GRIK1: variants seen among roughly 807,000 people sequenced by gnomAD.
GRIK1 encodes glutamate receptor ionotropic, kainate 1.
Under a neutral mutation model 105.7 loss-of-function variants are expected in GRIK1, and 69 were observed. The observed-to-expected ratio is 0.65, with a 90% CI of 0.54 to 0.80. The LOEUF (loss-of-function observed/expected upper bound fraction) is 0.80, where lower values mean the gene tolerates loss of function less well. Among genes scored for constraint, GRIK1 ranks in the 30% least tolerant of loss-of-function variants. The pLI, the probability that GRIK1 is intolerant of heterozygous loss-of-function variation, is 0.00. For synonymous variants in GRIK1, 438 were observed against 431.3 expected (o/e 1.02, Z -0.19); for missense variants, 1,109 against 1,167.3 (o/e 0.95, Z 0.73).
At chr21:29,680,440 T>C (rs2063349435) in intron 3 of GRIK1, among the ~76,000 whole-genome samples, 1 of 152,210 alleles carries the variant, frequency 6.6e-6, no homozygotes, top group African/African-American at 2.4e-5. Flanking sequence ...TCCCTGGGTT[T>C]CTATAGGAGC....
intron 7 of GRIK1, among the ~76,000 whole-genome samples, chr21:29,632,066 C>T (rs960244231): frequency 7.2e-5 from 11 of 152,032 alleles, no homozygotes; most frequent in African/African-American, 2.4e-4. Context: ...ATAAGTTGTT[C>T]CCTCTACTTG....
intron 1 of GRIK1, among the ~76,000 whole-genome samples, chr21:29,893,022 A>G (rs528993921): frequency 1.3e-5 from 2 of 152,308 alleles, no homozygotes; most frequent in South Asian, 4.1e-4. Flanking sequence ...TGAAGATACA[A>G]TTAGCTGGGC....
At chr21:29,834,766 TATTA>T (rs1159017050) in intron 1 of GRIK1, among the ~76,000 whole-genome samples, 2 of 150,826 alleles carry the variant, frequency 1.3e-5, no homozygotes, top group African/African-American at 4.9e-5. Flanking sequence ...ATATTATTAA[TATTA>T]ATTAATATTC....
At chr21:29,663,624 T>A (rs2063007830) in intron 4 of GRIK1, among the ~76,000 whole-genome samples, 1 of 152,176 alleles carries the variant, frequency 6.6e-6, no homozygotes, top group South Asian at 2.1e-4. Flanking sequence ...GGATAGTTTC[T>A]AAAATTTGTA....
In GRIK1 at chr21:29,561,732, G is replaced by A; in HGVS notation, c.2248C>T (p.Leu750=). The A allele has an allele frequency of 6.2e-7, 1 of 1,613,482 alleles. No individual in the cohort carries two copies. Among genetic ancestry groups the A allele is most frequent in the South Asian group, 1.1e-5 (1 of 91,068 alleles). The change falls in exon 15 of 18, where the codon CTG becomes TTG. Residue 750 remains leucine, a synonymous_variant. Coordinates refer to ENST00000327783, the MANE Select transcript of GRIK1 (RefSeq NM_001330994.2). ...IQRVLTTDYA[L]LMESTSIEYV... The stretch of plus-strand genomic sequence containing the variant: ...TCAATGCTGGTGGACTCCATCAGCA[G>A]CGCGTAGTCTGTGGTGAGCACTCTC...
At chr21:29,611,133 A>G (rs1601259963) in intron 7 of GRIK1, among the ~76,000 whole-genome samples, 1 of 152,214 alleles carries the variant, frequency 6.6e-6, no homozygotes, top group Non-Finnish European at 1.5e-5. Flanking sequence ...ACATGGGATC[A>G]TTGCCTAACA....
intron 16 of GRIK1, among the ~76,000 whole-genome samples, chr21:29,544,580 T>C (rs1158935605): frequency 2.6e-5 from 4 of 152,172 alleles, no homozygotes; most frequent in Admixed American, 1.3e-4. Context: ...AGGGATGATA[T>C]AGAAAGAAAA....
chr21:29,824,142 G>A (rs1253335609), intron 1 of GRIK1, among the ~76,000 whole-genome samples: 1 of 151,794 alleles, frequency 6.6e-6, no homozygotes, highest in Admixed American at 6.6e-5. Flanking sequence ...AAGACAACTG[G>A]AAATTAATAT....
intron 1 of GRIK1, among the ~76,000 whole-genome samples, chr21:29,878,749 GGCCACCTACAAAGCACGAAGTGGACCCTC>G (rs1258977298): frequency 6.6e-6 from 1 of 152,066 alleles, no homozygotes; most frequent in Non-Finnish European, 1.5e-5. Context: ...AGACTAAGAA[GGCCACCTACAAAGCACGAAGTGGACCCTC>G]ACCAGTCACC....
intron 1 of GRIK1, among the ~76,000 whole-genome samples, chr21:29,843,061 C>T (rs2068023841): frequency 6.6e-6 from 1 of 152,152 alleles, no homozygotes; most frequent in Non-Finnish European, 1.5e-5. Context: ...TCCCTAGCCT[C>T]ATGAATGGTA....
Position 29,587,372 on chromosome 21 carries a change from A to G in GRIK1, c.1787T>C (p.Ile596Thr). The G allele has an allele frequency of 1.3e-6, 2 of 1,599,264 alleles. No homozygotes were observed. Among genetic ancestry groups the G allele is most frequent in the South Asian group, 1.1e-5 (1 of 90,770 alleles). The change falls in exon 12 of 18, where the codon ATT (isoleucine) becomes ACT (threonine). Residue 596 changes from isoleucine to threonine, a missense_variant. Physicochemically the swap from Ile to Thr is moderately conservative, Grantham distance 89. This residue lies in a region of GRIK1 where 264 missense variants were observed against 306.9 expected (regional missense o/e 0.86). Coordinates refer to ENST00000327783, the MANE Select transcript of GRIK1 (RefSeq NM_001330994.2). ...CAGTGATTCTCAAACTTACCTTGCAATCACAAAGAGTACACAGCTGACTCC... is the reference window on the plus strand; with the variant it reads ...CAGTGATTCTCAAACTTACCTTGCAGTCACAAAGAGTACACAGCTGACTCC... ...CLGVSCVLFV[I>T]ARFTPYEWYN...
At chr21:29,868,964 T>C (rs1414207977) in intron 1 of GRIK1, among the ~76,000 whole-genome samples, 6 of 152,182 alleles carry the variant, frequency 3.9e-5, no homozygotes, top group Non-Finnish European at 7.3e-5. Flanking sequence ...AAATCAAATT[T>C]AAAATACAGT....
chr21:29,793,209 G>A (rs941896140), intron 1 of GRIK1, among the ~76,000 whole-genome samples: 3 of 152,182 alleles, frequency 2.0e-5, no homozygotes, highest in Non-Finnish European at 4.4e-5. Flanking sequence ...GGGTGTCTAC[G>A]AGACTAAGCC....
At chr21:29,744,939 G>A (rs541751974) in intron 1 of GRIK1, among the ~76,000 whole-genome samples, 5 of 152,290 alleles carry the variant, frequency 3.3e-5, no homozygotes, top group African/African-American at 1.2e-4. Flanking sequence ...GTGACGGGCA[G>A]TCTTTAGGGT....
At chr21:29,825,901 C>A (rs2145942494) in intron 1 of GRIK1, among the ~76,000 whole-genome samples, 1 of 152,112 alleles carries the variant, frequency 6.6e-6, no homozygotes, top group Middle Eastern at 3.4e-3. Flanking sequence ...GGGAGTGATC[C>A]TCTCTCTCCC....
intron 1 of GRIK1, among the ~76,000 whole-genome samples, chr21:29,753,401 T>C (rs543587012): frequency 3.3e-4 from 50 of 152,236 alleles, no homozygotes; most frequent in Non-Finnish European, 5.6e-4. Context: ...AGAAAACAAC[T>C]CTCCACACGC....
intron 16 of GRIK1, among the ~76,000 whole-genome samples, chr21:29,543,555 C>T (rs911008235): frequency 4.6e-5 from 7 of 152,092 alleles, no homozygotes; most frequent in African/African-American, 7.2e-5. Context: ...ATTTTCTGAG[C>T]GCATTCACAA....
chr21:29,615,700 C>A (rs2061834520), intron 7 of GRIK1, among the ~76,000 whole-genome samples: 1 of 152,180 alleles, frequency 6.6e-6, no homozygotes, highest in Non-Finnish European at 1.5e-5. Flanking sequence ...ATATGTAATA[C>A]TGCTATAATT....
chr21:29,735,679 C>T (rs1942545339), intron 1 of GRIK1, among the ~76,000 whole-genome samples: 1 of 151,786 alleles, frequency 6.6e-6, no homozygotes, highest in African/African-American at 2.4e-5. Context: ...GGTGGATCAC[C>T]TAAGGTCAAG....
Sources: allele counts gnomAD v4.1 joint callset (sites outside exome capture counted in the v4.1 genomes callset), GRCh38; gene constraint gnomAD v4.1.1; regional missense constraint gnomAD v4.1.1; transcripts MANE v1.5; gene names NCBI Gene and HGNC (gene_info 2026-07-23, HGNC 2026-07-21).